Variants in KAZN observed in about 807,000 individuals in gnomAD.
KAZN encodes kazrin, periplakin interacting protein, also known as kazrin.
In KAZN, 40 loss-of-function variants were observed where a neutral mutation model predicts 87.4. The ratio of observed to expected loss-of-function variants is 0.46; its 90% CI spans 0.36 to 0.60. The LOEUF (loss-of-function observed/expected upper bound fraction) is 0.60. KAZN is among the 20% of genes least tolerant of loss of function. The pLI, the probability that KAZN is intolerant of heterozygous loss-of-function variation, is 0.00. For synonymous variants in KAZN, 466 were observed against 458.3 expected, an observed-to-expected ratio of 1.02 and a Z score of -0.22; for missense variants, 898 against 1,073.9, an observed-to-expected ratio of 0.84 and a Z score of 2.29.
In KAZN at chr1:14,183,543, A is replaced by G. The variant is rs78710483; in HGVS notation, c.249+2951A>G. 1.5e-3 allele frequency among the ~76,000 whole-genome samples: 227 copies of G among 152,194 alleles called. 3 individuals carry two copies. The East Asian group carries it at 0.038, about 25-fold the overall frequency. On this transcript the variant is annotated intron_variant, in intron 2 of 16. Transcript: ENST00000636203. ...GCTTTGATTCCTGAGAGCCCTGTCT[A>G]AACCCAAAATGCCGACTCAGCCTCC...
chr1:14,334,364 CAAAAAAAA>C (rs34525897), intron 2 of KAZN, among the ~76,000 whole-genome samples: 3 of 61,384 alleles, frequency 4.9e-5, no homozygotes, highest in Admixed American at 2.8e-4. Context: ...GATTCCATCT[CAAAAAAAA>C]AAAAAAAAAA....
chr1:14,056,726 G>A (rs950839133), intron 1 of KAZN, among the ~76,000 whole-genome samples: 2 of 152,208 alleles, frequency 1.3e-5, no homozygotes, highest in South Asian at 2.1e-4. Flanking sequence ...GACAGAACAG[G>A]TCTCACTCTG....
chr1:14,811,825 C>T (rs1220500025), intron 1 of KAZN, among the ~76,000 whole-genome samples: 1 of 151,966 alleles, frequency 6.6e-6, no homozygotes, highest in Non-Finnish European at 1.5e-5. Context: ...TATGATGATC[C>T]CTGTTGCACG....
chr1:14,278,611 T>C (rs1326691919), intron 2 of KAZN, among the ~76,000 whole-genome samples: 1 of 152,164 alleles, frequency 6.6e-6, no homozygotes, highest in African/African-American at 2.4e-5. Context: ...TCTGATTAAA[T>C]ATCTAGTCAC....
intron 1 of KAZN, chr1:14,924,107 G>T: frequency 1.0e-6 from 1 of 981,888 alleles, no homozygotes; most frequent in African/African-American, 1.8e-5. Context: ...GGAAGGAGCG[G>T]GAGGAGGAGC....
At chr1:14,426,603 CT>C (rs1665744833) in intron 2 of KAZN, among the ~76,000 whole-genome samples, 1 of 152,150 alleles carries the variant, frequency 6.6e-6, no homozygotes, top group Non-Finnish European at 1.5e-5. Context: ...CAAAAACCAT[CT>C]TGTGGCCACA....
intron 2 of KAZN, among the ~76,000 whole-genome samples, chr1:14,401,042 C>T (rs1489116402): frequency 1.3e-5 from 2 of 152,162 alleles, no homozygotes; most frequent in African/African-American, 4.8e-5. Context: ...ATGCTGTAAG[C>T]ATGGTGTGAA....
At chr1:14,954,664 T>TAGTC (rs1194219773) in intron 1 of KAZN, among the ~76,000 whole-genome samples, 1 of 152,188 alleles carries the variant, frequency 6.6e-6, no homozygotes, top group Non-Finnish European at 1.5e-5. Flanking sequence ...ATACGTAAGA[T>TAGTC]AGTCACCTGT....
chr1:14,342,800 C>T (rs1657830845), intron 2 of KAZN, among the ~76,000 whole-genome samples: 1 of 152,164 alleles, frequency 6.6e-6, no homozygotes, highest in Admixed American at 6.5e-5. Flanking sequence ...GGGAGCTGCA[C>T]TTGTCCTTAT....
At chr1:14,275,014 ATAGAT>A (rs1217313515) in intron 2 of KAZN, among the ~76,000 whole-genome samples, 2 of 152,040 alleles carry the variant, frequency 1.3e-5, no homozygotes, top group Non-Finnish European at 2.9e-5. Flanking sequence ...AAATTATAGA[ATAGAT>A]TATATTTATA....
intron 1 of KAZN, among the ~76,000 whole-genome samples, chr1:14,632,523 T>A (rs999776501): frequency 1.3e-5 from 2 of 151,858 alleles, no homozygotes; most frequent in Non-Finnish European, 2.9e-5. Context: ...TAAACTTTTC[T>A]GAGAACATTA....
rs1224940370 is a variant in KAZN, at chr1:15,077,017, G to A, written c.1222+11264G>A. 3.3e-5 allele frequency among the ~76,000 whole-genome samples: 5 copies of A among 152,200 alleles called. No homozygotes were observed. Among genetic ancestry groups the A allele is most frequent in the Non-Finnish European group, 7.3e-5 (5 of 68,038 alleles). ...TGACGTGGCCACGTGGGGCCAGCAC[G>A]TGCTGTAGCAAAAGGAAGCAGCTCT... is the stretch of plus-strand genomic sequence containing the variant. On this transcript the variant is annotated intron_variant, in intron 8 of 14. Coordinates refer to ENST00000376030, the MANE Select transcript of KAZN (RefSeq NM_201628.3). The surrounding 1 kb of genome is among the most constrained non-coding windows in gnomAD (Gnocchi z 4.8).
intron 2 of KAZN, among the ~76,000 whole-genome samples, chr1:14,258,372 C>G (rs1470285269): frequency 3.3e-5 from 5 of 149,476 alleles, no homozygotes; most frequent in Non-Finnish European, 7.4e-5. Flanking sequence ...CCCGCCACCA[C>G]GCCTGGCTAA....
At chr1:15,063,183 T>C (rs751961277) in intron 6 of KAZN, 84 of 195,372 alleles carry the variant, frequency 4.3e-4, no homozygotes, top group Non-Finnish European at 8.1e-4. Context: ...CCCAAAATTC[T>C]CTATTTTGTG....
At chr1:14,221,858 G>A (rs1221475173) in intron 2 of KAZN, 6 of 152,156 alleles carry the variant, frequency 3.9e-5, no homozygotes, top group Non-Finnish European at 8.8e-5. Context: ...TCTCATTTTA[G>A]TTGATGTATG....
chr1:14,615,593 T>G (rs867218700), intron 1 of KAZN, among the ~76,000 whole-genome samples: 10 of 150,098 alleles, frequency 6.7e-5, no homozygotes, highest in African/African-American at 2.5e-4. Flanking sequence ...GCCACTGCAC[T>G]CCAGTCTGCA....
intron 1 of KAZN, among the ~76,000 whole-genome samples, chr1:14,670,785 GGTTA>G (rs1398605275): frequency 4.6e-5 from 7 of 152,192 alleles, no homozygotes; most frequent in Non-Finnish European, 8.8e-5. Flanking sequence ...CTGCATTTCT[GGTTA>G]GTTCTCAGGT....
At chr1:14,154,521 C>T (rs182528297) in intron 1 of KAZN, among the ~76,000 whole-genome samples, 3 of 152,190 alleles carry the variant, frequency 2.0e-5, no homozygotes, top group Admixed American at 6.5e-5. Flanking sequence ...ACTAGAATTT[C>T]CAGTACTATG....
chr1:14,803,718 C>T (rs919327900), intron 1 of KAZN, among the ~76,000 whole-genome samples: 3 of 152,246 alleles, frequency 2.0e-5, no homozygotes, highest in South Asian at 2.1e-4. Context: ...CCTGCTCTCA[C>T]GGCCTGGAGA....
Sources: allele counts gnomAD v4.1 joint callset (sites outside exome capture counted in the v4.1 genomes callset), GRCh38; gene constraint gnomAD v4.1.1; non-coding constraint Gnocchi (gnomAD v3.1); transcripts MANE v1.5; gene names NCBI Gene and HGNC (gene_info 2026-07-23, HGNC 2026-07-21).